DPCD: variants seen among roughly 807,000 people sequenced by gnomAD.
The protein encoded by DPCD is deleted in primary ciliary dyskinesia homolog (mouse).
DPCD carries 20 observed loss-of-function variants against 26.4 expected under a neutral mutation model. The observed-to-expected ratio is 0.76, with a 90% CI of 0.53 to 1.10. DPCD has a LOEUF of 1.10. DPCD is among the 50% of genes least tolerant of loss of function. The probability of loss-of-function intolerance (pLI) is 0.00; values close to 1 mark genes in which losing one functional copy is unlikely to be tolerated. For missense variants in DPCD, 202 were observed against 253.9 expected, an observed-to-expected ratio of 0.80 and a Z score of 1.39; for synonymous variants, 97 against 94.2, an observed-to-expected ratio of 1.03 and a Z score of -0.17.
intron 5 of DPCD, 146 bp from the exon 6 acceptor site, chr10:101,609,221 C>A (rs1378052221): frequency 3.9e-6 from 3 of 767,924 alleles, no homozygotes; most frequent in Admixed American, 5.3e-5. Context: ...TACTCAGGCA[C>A]ATGACCTTGA....
At chr10:101,598,262 G>A (rs1024607909) in intron 2 of DPCD, among the ~76,000 whole-genome samples, 2 of 152,024 alleles carry the variant, frequency 1.3e-5, no homozygotes, top group African/African-American at 4.8e-5. Flanking sequence ...TCCAGCCCTA[G>A]GTCGTGAGGT....
At chr10:101,606,592 C>T (rs1334433722) in intron 4 of DPCD, among the ~76,000 whole-genome samples, 5 of 152,220 alleles carry the variant, frequency 3.3e-5, no homozygotes, top group African/African-American at 9.6e-5. Context: ...GCTGGGATTA[C>T]AGGCATGAGT....
At chr10:101,588,569 T>A in intron 1 of DPCD, 169 bp downstream of exon 1, 1 of 1,436,344 alleles carries the variant, frequency 7.0e-7, no homozygotes. Flanking sequence ...ATGACATGAC[T>A]GGAACACATG....
chr10:101,607,578 G>A (rs2063742052), intron 4 of DPCD, among the ~76,000 whole-genome samples: 1 of 152,178 alleles, frequency 6.6e-6, no homozygotes, highest in African/African-American at 2.4e-5. Flanking sequence ...GGGCAGGGAG[G>A]ACGGGGGCAG....
intron 4 of DPCD, among the ~76,000 whole-genome samples, chr10:101,602,935 G>T (rs1416938881): frequency 6.6e-6 from 1 of 152,274 alleles, no homozygotes; most frequent in Non-Finnish European, 1.5e-5. Context: ...TATCCTCTGG[G>T]TCCCATCTCC....
chr10:101,592,880 A>G (rs2063621636), intron 1 of DPCD, among the ~76,000 whole-genome samples: 1 of 150,450 alleles, frequency 6.6e-6, no homozygotes, highest in South Asian at 2.1e-4. Context: ...TGGGTGTGGT[A>G]GCATTCACCT....
chr10:101,608,737 G>A, intron 4 of DPCD, 98 bp from the exon 5 acceptor site: 2 of 769,346 alleles, frequency 2.6e-6, no homozygotes, highest in Non-Finnish European at 4.6e-6. Context: ...TGTGGAAGGT[G>A]TGGAAGAACT....
chr10:101,606,966 C>T (rs1195360394), intron 4 of DPCD, among the ~76,000 whole-genome samples: 6 of 152,164 alleles, frequency 3.9e-5, no homozygotes, highest in Admixed American at 1.3e-4. Context: ...CCAAGCTGAG[C>T]CTCCACCTGC....
At chr10:101,589,115 G>C (rs2063548235) in intron 1 of DPCD, among the ~76,000 whole-genome samples, 1 of 152,242 alleles carries the variant, frequency 6.6e-6, no homozygotes, top group African/African-American at 2.4e-5. Context: ...AATTGCGTCT[G>C]AAGTTCCTGA....
At chr10:101,605,033 ATG>A (rs1436731079) in intron 4 of DPCD, 13 of 1,481,564 alleles carry the variant, frequency 8.8e-6, no homozygotes, top group African/African-American at 1.4e-5. Context: ...AGCCTTTAGT[ATG>A]TGTGTGTGAT....
intron 1 of DPCD, among the ~76,000 whole-genome samples, chr10:101,593,009 T>TCAAAAAAAAAAAAA (rs1554920602): frequency 1.4e-5 from 2 of 147,272 alleles, no homozygotes; most frequent in African/African-American, 5.1e-5. Flanking sequence ...CGAGACTCTG[T>TCAAAAAAAAAAAAA]CAAAAAAAAA....
intron 4 of DPCD, 131 bp downstream of exon 4, chr10:101,601,467 A>T: frequency 3.8e-6 from 1 of 259,896 alleles, no homozygotes; most frequent in Non-Finnish European, 6.9e-6. Flanking sequence ...AGGTATTGGA[A>T]GGGCTTCCTC....
At position 101,601,343 on chromosome 10, in the gene DPCD, A is replaced by G. The variant is rs1301957279; in HGVS notation, c.404+7A>G. The G allele has an allele frequency of 6.2e-7, 1 of 1,613,474 alleles. No homozygotes were observed. The highest frequency in any genetic ancestry group is 1.7e-5 in the Admixed American group (1 of 59,992). ...TCAGAACAACCAACAAGAAGTGAGTAGCGTGGAAGGCACCCTGTGTGCTTG... is the reference window on the plus strand; with the variant it reads ...TCAGAACAACCAACAAGAAGTGAGTGGCGTGGAAGGCACCCTGTGTGCTTG... On this transcript the variant is annotated splice_region_variant and intron_variant, in intron 4 of 5. Transcript: ENST00000370151.
At chr10:101,590,560 T>C (rs2063599015) in intron 1 of DPCD, among the ~76,000 whole-genome samples, 1 of 152,086 alleles carries the variant, frequency 6.6e-6, no homozygotes, top group African/African-American at 2.4e-5. Context: ...TCAGAACTTT[T>C]TAATCTTTCT....
chr10:101,602,755 AG>A (rs2063706744), intron 4 of DPCD, among the ~76,000 whole-genome samples: 1 of 152,232 alleles, frequency 6.6e-6, no homozygotes, highest in Non-Finnish European at 1.5e-5. Flanking sequence ...TGGGAACAAA[AG>A]TGCTTCTGAT....
chr10:101,591,644 T>C (rs575560359), intron 1 of DPCD, among the ~76,000 whole-genome samples: 1 of 152,238 alleles, frequency 6.6e-6, no homozygotes, highest in Admixed American at 6.5e-5. Context: ...ATATGAAAAA[T>C]AAAGAAGTCA....
At chr10:101,601,377 C>CG (rs767676479) in intron 4 of DPCD, 41 bp downstream of exon 4, 79 of 1,567,492 alleles carry the variant, frequency 5.0e-5, no homozygotes, top group Non-Finnish European at 6.5e-5. Flanking sequence ...TGTGTATGAG[C>CG]GGGGTGTAGG....
intron 1 of DPCD, among the ~76,000 whole-genome samples, chr10:101,590,310 T>C (rs540149868): frequency 3.2e-4 from 49 of 152,048 alleles, no homozygotes; most frequent in Non-Finnish European, 6.8e-4. Context: ...GTCCCTTTTC[T>C]CAAGGAGCAA....
intron 2 of DPCD, among the ~76,000 whole-genome samples, chr10:101,598,080 T>G (rs988375676): frequency 6.6e-6 from 1 of 152,240 alleles, no homozygotes; most frequent in Non-Finnish European, 1.5e-5. Context: ...ACTTTCTTCC[T>G]TCTTTGAGTA....
Sources: gnomAD v4.1 joint callset for allele counts (sites outside exome capture counted in the v4.1 genomes callset) on GRCh38, gnomAD v4.1.1 for gene constraint, MANE v1.5 for transcripts, NCBI Gene and HGNC (gene_info 2026-07-23, HGNC 2026-07-21) for gene names.